The following ENDOG variants were observed in gnomAD, a reference collection of about 807,000 sequenced individuals.
ENDOG encodes endonuclease G.
In ENDOG, 22 loss-of-function variants were observed where a neutral mutation model predicts 22.6. That is an observed-to-expected ratio of 0.97 (90% CI 0.70 to 1.39). The LOEUF is 1.39. Ranked by LOEUF, ENDOG falls within the 40% of genes most tolerant of loss-of-function variation. ENDOG has a pLI of 0.00. For missense variants in ENDOG, 403 were observed against 431.3 expected (o/e 0.93, Z 0.58); for synonymous variants, 173 against 200.2 (o/e 0.86, Z 1.15).
At position 128,822,557 on chromosome 9, in the gene ENDOG, A is replaced by C. The variant is rs746773001; in HGVS notation, c.841A>C (p.Asn281His). 5.1e-6 allele frequency: 8 copies of C among 1,563,702 alleles called. No homozygotes were observed. The African/African-American group carries it at 1.1e-4, about 21-fold the overall frequency. The change falls in exon 3 of 3, where the codon AAC becomes CAC. Residue 281 changes from asparagine (N) to histidine (H), a missense_variant. Transcript: ENST00000372642. ...GGCTTCGGGGCTGCTCTTTGTGCCA[A>C]ACATCCTGGCGCGGGCAGGCAGCCT... ...ERASGLLFVP[N>H]ILARAGSLKA...
At chr9:128,822,246 C>T (rs1830134044) in intron 2 of ENDOG, 82 bp from the exon 3 acceptor site, 1 of 1,520,370 alleles carries the variant, frequency 6.6e-7, no homozygotes, top group South Asian at 1.3e-5. Context: ...AGTTAGAGGA[C>T]AGATCAGGGA....
Position 128,822,530 on chromosome 9 carries a change from C to A in ENDOG, c.814C>A (p.Arg272=). 6.4e-7 allele frequency: 1 copy of A among 1,559,132 alleles called. No homozygotes were observed. Among genetic ancestry groups the A allele is most frequent in the East Asian group, 2.4e-5 (1 of 41,918 alleles). ...RFLVPIESIE[R]ASGLLFVPNI... ...CCTGGTGCCCATCGAGAGCATTGAG[C>A]GGGCTTCGGGGCTGCTCTTTGTGCC... is the stretch of plus-strand genomic sequence containing the variant. Residue 272 remains arginine, a synonymous_variant, in exon 3 of 3, where the codon CGG becomes AGG. Transcript: ENST00000372642.
At chr9:128,819,214 G>C in intron 1 of ENDOG, 29 bp downstream of exon 1, 1 of 1,441,190 alleles carries the variant, frequency 6.9e-7, no homozygotes, top group Non-Finnish European at 9.0e-7. Flanking sequence ...GCCGGTCGCG[G>C]AATGCGGGGC....
chr9:128,819,321 C>CGGGAT (rs1273871340), intron 1 of ENDOG, 136 bp downstream of exon 1: 36 of 1,303,060 alleles, frequency 2.8e-5, no homozygotes, highest in Non-Finnish European at 3.5e-5. Flanking sequence ...CATCCCGTGG[C>CGGGAT]GGGAGGGAGG....
Position 128,818,656 on chromosome 9 carries a change from G to T in ENDOG, c.-29G>T. 1 of 1,159,910 alleles carries T rather than the reference G, an allele frequency of 8.6e-7. No homozygotes were observed. The highest frequency in any genetic ancestry group is 1.1e-6 in the Non-Finnish European group (1 of 941,668). 71.9% of individuals were successfully genotyped at this position (1,159,910 alleles called of 1,614,324 possible). On this transcript the variant is annotated 5_prime_UTR_variant, in exon 1 of 3. Coordinates refer to ENST00000372642, the MANE Select transcript of ENDOG (RefSeq NM_004435.2). Reference sequence around the variant, plus strand: ...CGCGGCTCCTTTAAGAGCCTCGCGGGTCGCCCGCCGCTAGGTCGCTCCCCG... The same window carrying T: ...CGCGGCTCCTTTAAGAGCCTCGCGGTTCGCCCGCCGCTAGGTCGCTCCCCG...
chr9:128,818,505 C>G lies in ENDOG; in HGVS notation c.-180C>G. 4.8e-6 allele frequency: 3 copies of G among 620,176 alleles called. No homozygotes were observed. Among genetic ancestry groups the G allele is most frequent in the Non-Finnish European group, 4.2e-6 (2 of 477,760 alleles). 38.4% of individuals were successfully genotyped at this position (620,176 alleles called of 1,614,324 possible). A position where few individuals can be genotyped will look rare whatever the true frequency, so the allele number is the denominator to read the frequency against. On this transcript the variant is annotated 5_prime_UTR_variant, in exon 1 of 3. Transcript: ENST00000372642. ...GCAAAGAAAGGACGCCGGGGACACC[C>G]GGTTGGGCTCTGCTGCTCCCTTCTG...
chr9:128,820,538 G>A, intron 1 of ENDOG: 1 of 579,116 alleles, frequency 1.7e-6, no homozygotes, highest in South Asian at 2.2e-5. Flanking sequence ...CTGGGCTGTG[G>A]GAGGGACAGA....
chr9:128,818,638 C>T lies in ENDOG; in HGVS notation c.-47C>T. On this transcript the variant is annotated 5_prime_UTR_variant, in exon 1 of 3. Coordinates refer to ENST00000372642, the MANE Select transcript of ENDOG (RefSeq NM_004435.2). ...CCTCGTTGGATCCCGCGACGCGGCT[C>T]CTTTAAGAGCCTCGCGGGTCGCCCG... The T allele has an allele frequency of 8.7e-7, 1 of 1,144,036 alleles. No homozygotes were observed. The highest frequency in any genetic ancestry group is 1.1e-6 in the Non-Finnish European group (1 of 931,596). The allele number at this position is 1,144,036 out of a possible 1,614,324, so 70.9% of individuals were successfully genotyped here. A position where few individuals can be genotyped will look rare whatever the true frequency, so the allele number is the denominator to read the frequency against.
In ENDOG at chr9:128,822,409, G is replaced by A. The variant is rs1375776762; in HGVS notation, c.693G>A (p.Lys231=). 2.5e-6 allele frequency: 4 copies of A among 1,611,300 alleles called. No individual in the cohort carries two copies. Among genetic ancestry groups the A allele is most frequent in the African/African-American group, 1.3e-5 (1 of 74,864 alleles). ...TGGCAGTGCCCACACACTTCTTCAA[G>A]GTGCTGATCCTGGAGGCAGCAGGTG... ...NHVAVPTHFF[K]VLILEAAGGQ... is the part of the protein sequence containing the mutation. Residue 231 remains lysine, a synonymous_variant, in exon 3 of 3, where the codon AAG becomes AAA. Transcript: ENST00000372642.
chr9:128,819,426 CA>C (rs370236345), intron 1 of ENDOG, among the ~76,000 whole-genome samples: 39 of 152,232 alleles, frequency 2.6e-4, no homozygotes, highest in African/African-American at 8.9e-4. Flanking sequence ...CTTTCCTCGT[CA>C]AAAAAATGGG....
At chr9:128,820,997 C>CG (rs1414226882) in intron 2 of ENDOG, 149 bp downstream of exon 2, 1 of 682,602 alleles carries the variant, frequency 1.5e-6, no homozygotes, top group Non-Finnish European at 2.5e-6. Context: ...TTCCCTGCCT[C>CG]GAGTCCCCTC....
chr9:128,822,619 C>G lies in ENDOG; in HGVS notation c.*9C>G. On this transcript the variant is annotated 3_prime_UTR_variant, in exon 3 of 3. Transcript: ENST00000372642. ...CGGCGGGCAGTAAGTGAGGGTGGAG[C>G]CCAGTGAGACTGTGGGTGTGTGCAG... is the stretch of plus-strand genomic sequence containing the variant. 1 of 1,565,046 alleles carries G rather than the reference C, an allele frequency of 6.4e-7. No homozygotes were observed. Among genetic ancestry groups the G allele is most frequent in the Non-Finnish European group, 8.7e-7 (1 of 1,154,490 alleles).
chr9:128,820,517 G>T, intron 1 of ENDOG: 1 of 553,298 alleles, frequency 1.8e-6, no homozygotes, highest in South Asian at 2.4e-5. Flanking sequence ...GCTGAGAAAA[G>T]ACTTTGACAC....
chr9:128,820,815 T>C lies in ENDOG; in HGVS notation c.578T>C (p.Val193Ala), dbSNP rs1269516001. ...SRSLTRSYQN[V>A]YVCTGPLFLP... Reference sequence around the variant, plus strand: ...AGCTTGACCCGCAGCTACCAAAACGTCTATGTCTGCACAGGGCCACTCTTC... The same window carrying C: ...AGCTTGACCCGCAGCTACCAAAACGCCTATGTCTGCACAGGGCCACTCTTC... Residue 193 changes from valine to alanine, a missense_variant, in exon 2 of 3, where the codon GTC becomes GCC. Val to Ala is a moderately conservative substitution (Grantham distance 64). Coordinates refer to ENST00000372642, the MANE Select transcript of ENDOG (RefSeq NM_004435.2). The C allele has an allele frequency of 6.2e-7, 1 of 1,611,764 alleles. No individual in the cohort carries two copies. Among genetic ancestry groups the C allele is most frequent in the Admixed American group, 1.7e-5 (1 of 59,728 alleles).
Position 128,820,834 on chromosome 9 carries a change from A to T in ENDOG, c.597A>T (p.Pro199=). 2 of 1,608,800 alleles carry T rather than the reference A, an allele frequency of 1.2e-6. No individual in the cohort carries two copies. Among genetic ancestry groups the T allele is most frequent in the Non-Finnish European group, 1.7e-6 (2 of 1,177,560 alleles). The change falls in exon 2 of 3, where the codon CCA becomes CCT. Residue 199 remains proline (P), a synonymous_variant. Transcript: ENST00000372642. ...AAAACGTCTATGTCTGCACAGGGCC[A>T]CTCTTCCTGCCCAGGTAAGGTGGAA... ...SYQNVYVCTG[P]LFLPRTEADG... is the part of the protein sequence containing the mutation.
chr9:128,821,132 A>C, intron 2 of ENDOG: 1 of 469,042 alleles, frequency 2.1e-6, no homozygotes, highest in Non-Finnish European at 3.9e-6. Context: ...ATGCCCACCC[A>C]ATCTTGTTCT....
At chr9:128,819,642 T>C in intron 1 of ENDOG, 1 of 168,056 alleles carries the variant, frequency 6.0e-6, no homozygotes, top group South Asian at 1.6e-4. Flanking sequence ...TCAGGATAAT[T>C]CAAGTGCGTT....
rs1444709204 is a variant in ENDOG, at chr9:128,822,083, G to A, written c.612-245G>A. 27 of 567,072 alleles carry A rather than the reference G, an allele frequency of 4.8e-5. 2 individuals carry two copies. In the South Asian group the frequency reaches 5.2e-4, roughly 11 times the overall value. The allele number at this position is 567,072 out of a possible 1,614,324, so 35.1% of individuals were successfully genotyped here. ...CAGAAGGCTCGATTCTCCTAGCAGC[G>A]TTTATTGTCGCCCACTCTGCCTGAC... On this transcript the variant is annotated intron_variant, in intron 2 of 2. Coordinates refer to ENST00000372642, the MANE Select transcript of ENDOG (RefSeq NM_004435.2).
intron 2 of ENDOG, chr9:128,821,180 A>AG (rs2132580550): frequency 3.0e-6 from 1 of 333,262 alleles, no homozygotes; most frequent in South Asian, 3.2e-5. Flanking sequence ...CAGTGCACCA[A>AG]GCTCTCCCAC....
Sources: gnomAD v4.1 joint callset for allele counts (sites outside exome capture counted in the v4.1 genomes callset) on GRCh38, gnomAD v4.1.1 for gene constraint, MANE v1.5 for transcripts, NCBI Gene and HGNC (gene_info 2026-07-23, HGNC 2026-07-21) for gene names.